Variants in RICTOR observed in about 807,000 individuals in gnomAD.
RICTOR encodes the protein RPTOR independent companion of MTOR complex 2.
RICTOR carries 49 observed loss-of-function variants against 214.9 expected under a neutral mutation model. The ratio of observed to expected loss-of-function variants is 0.23; its 90% CI spans 0.18 to 0.29. RICTOR has a LOEUF of 0.29. Among genes scored for constraint, RICTOR ranks in the 10% least tolerant of loss-of-function variants. The pLI, the probability that RICTOR is intolerant of heterozygous loss-of-function variation, is 1.00. For missense variants in RICTOR, 1,625 were observed against 2,047.0 expected, an observed-to-expected ratio of 0.79 and a Z score of 3.98; for synonymous variants, 717 against 711.3, an observed-to-expected ratio of 1.01 and a Z score of -0.13.
chr5:38,991,139 C>A, intron 6 of RICTOR, 64 bp from the exon 7 acceptor site: 1 of 1,149,280 alleles, frequency 8.7e-7, no homozygotes, highest in South Asian at 1.7e-5. Context: ...CCTATTTTGT[C>A]CAGACTGAAG....
chr5:39,013,054 T>C (rs1380904786), intron 3 of RICTOR, among the ~76,000 whole-genome samples: 2 of 152,300 alleles, frequency 1.3e-5, no homozygotes, highest in African/African-American at 4.8e-5. Context: ...AGCATGTAAT[T>C]GACAGTGTCT....
At chr5:39,072,444 A>G (rs1441662439) in intron 2 of RICTOR, among the ~76,000 whole-genome samples, 1 of 152,238 alleles carries the variant, frequency 6.6e-6, no homozygotes, top group Admixed American at 6.5e-5. Flanking sequence ...AATTTAAAAT[A>G]CAACTATATA....
At position 38,978,407 on chromosome 5, in the gene RICTOR, A is replaced by G. The variant is rs113411970; in HGVS notation, c.821+176T>C. 2.2e-3 allele frequency among the ~76,000 whole-genome samples: 340 copies of G among 152,280 alleles called. 1 individual carries two copies. Among genetic ancestry groups the G allele is most frequent in the African/African-American group, 7.7e-3 (321 of 41,578 alleles). ...AGAAATTAATCTTTAAATTTCTCAA[A>G]GCTTTAAATTTTTTAAACCACAGTA... On this transcript the variant is annotated intron_variant, in intron 9 of 37. Transcript: ENST00000357387.
At chr5:39,031,017 A>G (rs1473441205) in intron 2 of RICTOR, among the ~76,000 whole-genome samples, 2 of 152,144 alleles carry the variant, frequency 1.3e-5, no homozygotes, top group Non-Finnish European at 2.9e-5. Flanking sequence ...GAACCTAACA[A>G]AGCTTTAGTT....
At chr5:39,028,222 G>A (rs573641412) in intron 2 of RICTOR, among the ~76,000 whole-genome samples, 15 of 115,842 alleles carry the variant, frequency 1.3e-4, no homozygotes, top group South Asian at 8.3e-4. Flanking sequence ...TCGCTCTGTC[G>A]CCCAGGCTGG....
chr5:38,959,436 T>G (rs1362611026), intron 21 of RICTOR, 115 bp from the exon 22 acceptor site: 1 of 664,312 alleles, frequency 1.5e-6, no homozygotes, highest in Non-Finnish European at 2.5e-6. Flanking sequence ...AAAATTGTAT[T>G]ATTCAAAGTG....
chr5:38,978,152 C>T lies in RICTOR; in HGVS notation c.821+431G>A, dbSNP rs200314297. Among the ~76,000 whole-genome samples, 109 of 127,758 alleles carry T rather than the reference C, an allele frequency of 8.5e-4. 1 individual carries two copies. The East Asian group carries it at 0.026, about 31-fold the overall frequency. 83.8% of individuals were successfully genotyped at this position (127,758 alleles called of 152,430 possible). A position where few individuals can be genotyped will look rare whatever the true frequency, so the allele number is the denominator to read the frequency against. On this transcript the variant is annotated intron_variant, in intron 9 of 37. Coordinates refer to ENST00000357387, the MANE Select transcript of RICTOR (RefSeq NM_152756.5). ...CCCTGAAAATTATACTGTCTCATTT[C>T]TAGATAATAATATTTACTCTATTCT... is the stretch of plus-strand genomic sequence containing the variant.
At chr5:39,039,139 C>T (rs1046968982) in intron 2 of RICTOR, among the ~76,000 whole-genome samples, 2 of 152,128 alleles carry the variant, frequency 1.3e-5, no homozygotes, top group African/African-American at 4.8e-5. Flanking sequence ...TGGAACAGAA[C>T]AGAGCCCGCA....
rs763324980 is a variant in RICTOR at position 38,971,973 on chromosome 5, A to G, written c.890-14T>C. ...AATTAATAATACCTAAAGAGGACAGAAAGAAAAAAAAATCACTGACATGAA... is the reference window on the plus strand; with the variant it reads ...AATTAATAATACCTAAAGAGGACAGGAAGAAAAAAAAATCACTGACATGAA... On this transcript the variant is annotated splice_polypyrimidine_tract_variant and intron_variant, in intron 10 of 37. Transcript: ENST00000357387. 6 of 1,150,926 alleles carry G rather than the reference A, an allele frequency of 5.2e-6. No individual in the cohort carries two copies. The highest frequency in any genetic ancestry group is 7.6e-6 in the Non-Finnish European group (6 of 784,424). 71.3% of individuals were successfully genotyped at this position (1,150,926 alleles called of 1,614,324 possible). A position where few individuals can be genotyped will look rare whatever the true frequency, so the allele number is the denominator to read the frequency against.
chr5:38,952,257 T>C lies in RICTOR; in HGVS notation c.3066A>G (p.Leu1022=), dbSNP rs111395471. 3 of 1,612,968 alleles carry C rather than the reference T, an allele frequency of 1.9e-6. No homozygotes were observed. The highest frequency in any genetic ancestry group is 2.2e-5 in the South Asian group (2 of 91,058). ...CNELSSIPST[L]SLNSESTSSR... Reference sequence around the variant, plus strand: ...AGCTGGTTGACTCCGAGTTCAAACTTAGAGTGCTTGGGATAGATGAAAGTT... The same window carrying C: ...AGCTGGTTGACTCCGAGTTCAAACTCAGAGTGCTTGGGATAGATGAAAGTT... Residue 1022 remains leucine, a synonymous_variant, in exon 30 of 38, where the codon CTA becomes CTG. Coordinates refer to ENST00000357387, the MANE Select transcript of RICTOR (RefSeq NM_152756.5).
intron 2 of RICTOR, among the ~76,000 whole-genome samples, chr5:39,030,862 A>G (rs1580144006): frequency 6.6e-6 from 1 of 152,192 alleles, no homozygotes; most frequent in Admixed American, 6.5e-5. Flanking sequence ...GTCATGTACC[A>G]ATTCCAGTAA....
chr5:38,991,390 C>T (rs541040462), intron 6 of RICTOR, among the ~76,000 whole-genome samples: 1 of 152,102 alleles, frequency 6.6e-6, no homozygotes, highest in South Asian at 2.1e-4. Context: ...TTTTTCAGTA[C>T]CTAGACAAGG....
chr5:39,045,519 C>T (rs951282825), intron 2 of RICTOR, among the ~76,000 whole-genome samples: 5 of 152,002 alleles, frequency 3.3e-5, no homozygotes, highest in African/African-American at 1.2e-4. Context: ...TTCCACAGTT[C>T]TCTAATTAGG....
In RICTOR at chr5:39,021,033, A is replaced by G; in HGVS notation, c.195+6T>C. The G allele has an allele frequency of 7.3e-7, 1 of 1,365,264 alleles. No homozygotes were observed. Among genetic ancestry groups the G allele is most frequent in the Non-Finnish European group, 1.0e-6 (1 of 952,856 alleles). 84.6% of individuals were successfully genotyped at this position (1,365,264 alleles called of 1,614,324 possible). ...TTAGACAATAATAAAAATTCAAGTT[A>G]CTTACCTTAGTAAAGTTATTCAGAT... On this transcript the variant is annotated splice_donor_region_variant and intron_variant, in intron 3 of 37. Coordinates refer to ENST00000357387, the MANE Select transcript of RICTOR (RefSeq NM_152756.5).
chr5:39,000,916 T>C (rs755643351), intron 5 of RICTOR, among the ~76,000 whole-genome samples: 1 of 152,042 alleles, frequency 6.6e-6, no homozygotes, highest in Non-Finnish European at 1.5e-5. Context: ...ATAAATATGT[T>C]CAGGACTTCT....
rs763781910 is a variant in RICTOR, at chr5:38,950,593, G to C, written c.3255C>G (p.Phe1085Leu). The change falls in exon 31 of 38, where the codon TTC becomes TTG. Residue 1085 changes from phenylalanine to leucine, a missense_variant. Phe to Leu is a conservative substitution (Grantham distance 22). This residue lies in a region of RICTOR where 1,214 missense variants were observed against 1,470.5 expected (regional missense o/e 0.83). Transcript: ENST00000357387. ...RSGPIKDKNSFPFFASSKLVK... is the reference protein window; with the variant it reads ...RSGPIKDKNSLPFFASSKLVK... Reference sequence around the variant, plus strand: ...CAAGTTTACTAGAAGCAAAGAAAGGGAATGAATTTTTATCCTTTATGGGTC... The same window carrying C: ...CAAGTTTACTAGAAGCAAAGAAAGGCAATGAATTTTTATCCTTTATGGGTC... 3 of 1,613,062 alleles carry C rather than the reference G, an allele frequency of 1.9e-6. No homozygotes were observed. Among genetic ancestry groups the C allele is most frequent in the Non-Finnish European group, 2.5e-6 (3 of 1,179,432 alleles).
chr5:39,050,498 G>A (rs890529084), intron 2 of RICTOR, among the ~76,000 whole-genome samples: 6 of 151,908 alleles, frequency 3.9e-5, no homozygotes, highest in Admixed American at 2.0e-4. Flanking sequence ...TGCCACACCC[G>A]GCTAATTTTT....
chr5:38,949,925 A>G lies in RICTOR; in HGVS notation c.3923T>C (p.Ile1308Thr). Residue 1308 changes from isoleucine (I) to threonine (T), a missense_variant, in exon 31 of 38, where the codon ATT becomes ACT. Ile to Thr is a moderately conservative substitution (Grantham distance 89, BLOSUM62 -1). Around this residue, in one of 5 missense-constraint regions of RICTOR, gnomAD observed 1,214 missense variants for 1,470.5 expected, o/e 0.83. Coordinates refer to ENST00000357387, the MANE Select transcript of RICTOR (RefSeq NM_152756.5). ...RRAQSLKAPS[I>T]ATIKSLADCN... ...ATCTGCTAGACTTTTAATTGTAGCA[A>G]TAGAGGGTGCTTTAAGGGACTGTGC... 2 of 1,613,422 alleles carry G rather than the reference A, an allele frequency of 1.2e-6. No homozygotes were observed. Among genetic ancestry groups the G allele is most frequent in the Non-Finnish European group, 1.7e-6 (2 of 1,179,516 alleles).
chr5:38,975,721 A>T, intron 9 of RICTOR, 117 bp from the exon 10 acceptor site: 1 of 571,554 alleles, frequency 1.7e-6, no homozygotes. Flanking sequence ...TTTACACATA[A>T]AATTAAAACA....
Sources: allele counts gnomAD v4.1 joint callset (sites outside exome capture counted in the v4.1 genomes callset), GRCh38; gene constraint gnomAD v4.1.1; regional missense constraint gnomAD v4.1.1; transcripts MANE v1.5; gene names NCBI Gene and HGNC (gene_info 2026-07-23, HGNC 2026-07-21).